SLIT3: variants seen among roughly 807,000 people sequenced by gnomAD.
SLIT3 encodes the protein slit guidance ligand 3, also known as slit homolog 3 protein.
A neutral mutation model predicts 184.0 loss-of-function variants in SLIT3; 68 were observed. The ratio of observed to expected loss-of-function variants is 0.37; its 90% confidence interval spans 0.30 to 0.45. The LOEUF is 0.45. SLIT3 is among the 20% of genes least tolerant of loss of function. SLIT3 has a pLI of 1.00. For synonymous variants in SLIT3, 831 were observed against 828.6 expected, an observed-to-expected ratio of 1.00 and a Z score of -0.05; for missense variants, 1,707 against 2,026.0, an observed-to-expected ratio of 0.84 and a Z score of 3.02.
At chr5:168,690,089 C>G (rs1350541843) in intron 29 of SLIT3, among the ~76,000 whole-genome samples, 1 of 152,034 alleles carries the variant, frequency 6.6e-6, no homozygotes, top group East Asian at 1.9e-4. Context: ...CTCTCCAGCA[C>G]TCCAACCAAC....
At chr5:169,257,940 C>T (rs1766032842) in intron 1 of SLIT3, among the ~76,000 whole-genome samples, 1 of 152,084 alleles carries the variant, frequency 6.6e-6, no homozygotes, top group Admixed American at 6.6e-5. Flanking sequence ...GTAGATCAGC[C>T]TTAATAAAAG....
intron 4 of SLIT3, among the ~76,000 whole-genome samples, chr5:168,981,066 AT>A (rs1052024018): frequency 1.3e-5 from 2 of 152,196 alleles, no homozygotes; most frequent in Non-Finnish European, 2.9e-5. Flanking sequence ...CCAAAAAGAT[AT>A]TTTTTTAAAT....
At chr5:169,056,710 C>T (rs1758012740) in intron 4 of SLIT3, among the ~76,000 whole-genome samples, 1 of 152,178 alleles carries the variant, frequency 6.6e-6, no homozygotes, top group African/African-American at 2.4e-5. Flanking sequence ...CTGTGGATTT[C>T]ATCGTTTCTA....
intron 4 of SLIT3, among the ~76,000 whole-genome samples, chr5:168,914,160 T>C (rs1761358343): frequency 6.6e-6 from 1 of 152,354 alleles, no homozygotes; most frequent in African/African-American, 2.4e-5. Context: ...TTTGTGAATA[T>C]AGTTTTAGAA....
chr5:168,768,207 C>T (rs1755412628), intron 14 of SLIT3: 1 of 524,596 alleles, frequency 1.9e-6, no homozygotes, highest in African/African-American at 1.9e-5. Flanking sequence ...TCCATCGTTC[C>T]ACCACATGGT....
chr5:168,908,009 T>C (rs201227198), intron 4 of SLIT3, among the ~76,000 whole-genome samples: 4 of 78,306 alleles, frequency 5.1e-5, no homozygotes, highest in Non-Finnish European at 1.0e-4. Context: ...GAGAGAGAGG[T>C]GGGGGGTTTC....
chr5:168,692,857 C>G (rs545364734), intron 28 of SLIT3, among the ~76,000 whole-genome samples, 157 bp from the exon 29 acceptor site: 75 of 152,308 alleles, frequency 4.9e-4, no homozygotes, highest in Non-Finnish European at 6.0e-4. Flanking sequence ...TGTTCTCACT[C>G]CTTGTGTATC....
chr5:168,940,232 C>A (rs1762288302), intron 4 of SLIT3, among the ~76,000 whole-genome samples: 1 of 152,120 alleles, frequency 6.6e-6, no homozygotes, highest in African/African-American at 2.4e-5. Context: ...ATGATAGCAG[C>A]CCAGGGCTTA....
intron 4 of SLIT3, among the ~76,000 whole-genome samples, chr5:169,005,381 G>A (rs1457388103): frequency 2.6e-5 from 4 of 152,168 alleles, no homozygotes; most frequent in Admixed American, 1.3e-4. Context: ...GCATTATGGA[G>A]TGGCTACAAA....
intron 25 of SLIT3, 85 bp from the exon 26 acceptor site, chr5:168,708,185 C>G: frequency 6.3e-7 from 1 of 1,587,810 alleles, no homozygotes; most frequent in Non-Finnish European, 8.6e-7. Context: ...TGGGCCCTCC[C>G]TCAGCCAGCG....
intron 20 of SLIT3, among the ~76,000 whole-genome samples, chr5:168,743,726 T>G (rs1369460094): frequency 1.3e-5 from 2 of 152,170 alleles, no homozygotes; most frequent in Non-Finnish European, 2.9e-5. Flanking sequence ...TTGGACCAAA[T>G]AGCCAAATTG....
intron 4 of SLIT3, among the ~76,000 whole-genome samples, chr5:169,075,312 C>T (rs1329590946): frequency 6.6e-6 from 1 of 152,088 alleles, no homozygotes; most frequent in Non-Finnish European, 1.5e-5. Flanking sequence ...AGGATTTTTG[C>T]ATGTATTTTT....
chr5:169,173,918 T>C (rs1762891477), intron 4 of SLIT3, among the ~76,000 whole-genome samples: 1 of 152,188 alleles, frequency 6.6e-6, no homozygotes, highest in South Asian at 2.1e-4. Flanking sequence ...ACTCAGCTCA[T>C]CCAAGACCCC....
chr5:168,719,917 T>G (rs902976238), intron 23 of SLIT3: 2 of 149,678 alleles, frequency 1.3e-5, no homozygotes, highest in Non-Finnish European at 3.0e-5. Context: ...ATTAATTCTC[T>G]TTTTTTTTTC....
intron 4 of SLIT3, among the ~76,000 whole-genome samples, chr5:169,103,374 T>C (rs904668077): frequency 4.6e-5 from 7 of 152,290 alleles, no homozygotes; most frequent in African/African-American, 1.7e-4. Flanking sequence ...TTACAGCCTC[T>C]GAGAAAGGGT....
rs190067817 is a variant in SLIT3, at chr5:168,973,525, C to T, written c.414-90189G>A. ...GCCTCCAAAGTGCTAGGATTATAGGCGTGAGCCACCATGCCTGGCCTTCAC... is the reference window on the plus strand; with the variant it reads ...GCCTCCAAAGTGCTAGGATTATAGGTGTGAGCCACCATGCCTGGCCTTCAC... On this transcript the variant is annotated intron_variant, in intron 4 of 35. Transcript: ENST00000519560. Among the ~76,000 whole-genome samples the T allele has an allele frequency of 3.4e-3, 516 of 152,276 alleles. 1 individual carries two copies. Among genetic ancestry groups the T allele is most frequent in the African/African-American group, 0.012 (495 of 41,560 alleles).
chr5:168,662,512 CT>C lies in SLIT3; in HGVS notation c.*3941del, dbSNP rs1351547262. ...TCCCTCTTCTTGCCCTTCTTCTCAT[CT>C]TTTTGAAGCATCAGACTTGAGTTCC... On this transcript the variant is annotated 3_prime_UTR_variant, in exon 36 of 36. Transcript: ENST00000519560. The C allele has an allele frequency of 6.6e-6, 1 of 151,972 alleles. No homozygotes were observed. The highest frequency in any genetic ancestry group is 1.5e-5 in the Non-Finnish European group (1 of 68,008). 9.4% of individuals were successfully genotyped at this position (151,972 alleles called of 1,614,324 possible). A position where few individuals can be genotyped will look rare whatever the true frequency, so the allele number is the denominator to read the frequency against.
At chr5:168,724,783 T>C (rs1399214688) in intron 20 of SLIT3, among the ~76,000 whole-genome samples, 1 of 152,200 alleles carries the variant, frequency 6.6e-6, no homozygotes, top group Non-Finnish European at 1.5e-5. Context: ...TAGTAGGTAT[T>C]CAATAAATAT....
chr5:169,108,017 T>C (rs902046177), intron 4 of SLIT3, among the ~76,000 whole-genome samples: 5 of 152,308 alleles, frequency 3.3e-5, no homozygotes, highest in African/African-American at 1.2e-4. Context: ...CCCTTAGACA[T>C]GTAATGCTTC....
Sources: allele counts gnomAD v4.1 joint callset (sites outside exome capture counted in the v4.1 genomes callset), GRCh38; gene constraint gnomAD v4.1.1; transcripts MANE v1.5; gene names NCBI Gene and HGNC (gene_info 2026-07-23, HGNC 2026-07-21).